XIRP1: variants seen among roughly 807,000 people sequenced by gnomAD.
XIRP1 encodes the protein xin actin-binding repeat-containing protein 1.
For synonymous variants in XIRP1, 984 were observed against 947.0 expected (o/e 1.04, Z -0.72); for missense variants, 2,378 against 2,345.4 (o/e 1.01, Z -0.29).
chr3:39,187,202 G>A lies in XIRP1; in HGVS notation c.2244C>T (p.Gly748=). ...GSLAAESIQG[G]NLLEEQPMSP... The stretch of plus-strand genomic sequence containing the variant: ...TCATGGGCTGCTCTTCCAGGAGGTT[G>A]CCCCCTTGGATGCTCTCAGCTGCCA... Residue 748 remains glycine, a synonymous_variant, in exon 2 of 2, where the codon GGC becomes GGT. Coordinates refer to ENST00000340369, the MANE Select transcript of XIRP1 (RefSeq NM_194293.4). 2 of 1,594,518 alleles carry A rather than the reference G, an allele frequency of 1.3e-6. No individual in the cohort carries two copies.
rs749998197 is a variant in XIRP1, at chr3:39,186,375, T to A, written c.3071A>T (p.His1024Leu). 1.2e-6 allele frequency: 2 copies of A among 1,614,088 alleles called. No homozygotes were observed. Among genetic ancestry groups the A allele is most frequent in the Non-Finnish European group, 1.7e-6 (2 of 1,180,008 alleles). Residue 1024 changes from histidine (H) to leucine (L), a missense_variant, in exon 2 of 2, where the codon CAC becomes CTC. By Grantham distance (99) the His-to-Leu change is moderately conservative. Transcript: ENST00000340369. The stretch of plus-strand genomic sequence containing the variant: ...GACTGCCATCCCTTTCTGTCCAGAG[T>A]GACTGTCTTCCTGCTTTTCTGTGTT... ...LQNTEKQEDSHSGQKGMAVLG... is the reference protein window; with the variant it reads ...LQNTEKQEDSLSGQKGMAVLG...
In XIRP1 at chr3:39,186,251, G is replaced by A. The variant is rs2039969198; in HGVS notation, c.3195C>T (p.Ala1065=). The A allele has an allele frequency of 1.2e-6, 2 of 1,613,708 alleles. No individual in the cohort carries two copies. Among genetic ancestry groups the A allele is most frequent in the African/African-American group, 1.3e-5 (1 of 74,886 alleles). ...TCAGAACTTGCTGGTGCAGGCTCTGGGCTTCAGCTGTTGCCATCCGCAGAC... is the reference window on the plus strand; with the variant it reads ...TCAGAACTTGCTGGTGCAGGCTCTGAGCTTCAGCTGTTGCCATCCGCAGAC... ...MQSLRMATAE[A]QSLHQQVLNK... is the part of the protein sequence containing the mutation. The change falls in exon 2 of 2, where the codon GCC becomes GCT. Residue 1065 remains alanine, a synonymous_variant. Transcript: ENST00000340369.
Position 39,185,176 on chromosome 3 carries a change from C to G in XIRP1, c.4270G>C (p.Glu1424Gln). The G allele has an allele frequency of 6.2e-7, 1 of 1,610,896 alleles. No individual in the cohort carries two copies. The change falls in exon 2 of 2, where the codon GAG becomes CAG. Residue 1424 changes from glutamate (E) to glutamine (Q), a missense_variant. Glu to Gln is a conservative substitution (Grantham distance 29). Transcript: ENST00000340369. ...TTGAGGGCATTGAGCTTGGGGGGCT[C>G]AGAGCTCTGGGCATTGCTGCCTGTA... ...QATGSNAQSS[E>Q]PPKLNALNHD... is the part of the protein sequence containing the mutation.
In XIRP1 at chr3:39,185,517, T is replaced by C. The variant is rs1428962670; in HGVS notation, c.3929A>G (p.Lys1310Arg). Residue 1310 changes from lysine (K) to arginine (R), a missense_variant, in exon 2 of 2, where the codon AAG becomes AGG. Lys to Arg is a conservative substitution (Grantham distance 26, BLOSUM62 2). Transcript: ENST00000340369. ...CATGGTGGGGTCCAGTTTTGGGGTC[T>C]TTGTCTGTGACCCTCCAGGGGTTCT... ...GQRTPGGSQT[K>R]TPKLDPTMPP... 6.4e-7 allele frequency: 1 copy of C among 1,558,016 alleles called. No individual in the cohort carries two copies. The highest frequency in any genetic ancestry group is 8.7e-7 in the Non-Finnish European group (1 of 1,153,016).
Sources: gnomAD v4.1 joint callset for allele counts on GRCh38, gnomAD v4.1.1 for gene constraint, MANE v1.5 for transcripts, NCBI Gene and HGNC (gene_info 2026-07-23, HGNC 2026-07-21) for gene names.